CCDC190: variants seen among roughly 807,000 people sequenced by gnomAD.
CCDC190 encodes coiled-coil domain containing 190.
CCDC190 carries 10 observed loss-of-function variants against 13.1 expected under a neutral mutation model. The observed-to-expected ratio is 0.77, with a 90% CI of 0.47 to 1.30. The LOEUF (loss-of-function observed/expected upper bound fraction) is 1.30. Ranked by LOEUF, CCDC190 falls within the 50% of genes most tolerant of loss-of-function variation. CCDC190 has a pLI of 0.00. For synonymous variants in CCDC190, 136 were observed against 127.2 expected, an observed-to-expected ratio of 1.07 and a Z score of -0.47; for missense variants, 375 against 354.3, an observed-to-expected ratio of 1.06 and a Z score of -0.47.
At chr1:162,863,181 C>T (rs2684868), upstream of CCDC190, among the ~76,000 whole-genome samples, 913 of 152,116 alleles carry the variant, frequency 6.0e-3, 9 homozygotes, top group African/African-American at 0.021. Context: ...AATGCACATC[C>T]GTGTAGTTTT....
intron 2 of CCDC190, among the ~76,000 whole-genome samples, chr1:162,858,210 T>C (rs951355125): frequency 6.6e-6 from 1 of 152,190 alleles, no homozygotes; most frequent in Non-Finnish European, 1.5e-5. Flanking sequence ...AGCACCTGAA[T>C]CAAAGTTTTC....
In CCDC190 at chr1:162,851,278, T is replaced by G. The variant is rs956284814; in HGVS notation, c.*3487A>C. ...GTTCACGCAATGGTCCACACACCTC[T>G]GGTTCCTCTCCATTTTTTTTTTTTT... On this transcript the variant is annotated 3_prime_UTR_variant, in exon 4 of 4. Transcript: ENST00000367912. The G allele has an allele frequency of 6.7e-6, 1 of 150,196 alleles. No homozygotes were observed. Among genetic ancestry groups the G allele is most frequent in the South Asian group, 2.1e-4 (1 of 4,710 alleles). 9.3% of individuals were successfully genotyped at this position (150,196 alleles called of 1,614,324 possible). A position where few individuals can be genotyped will look rare whatever the true frequency, so the allele number is the denominator to read the frequency against.
At chr1:162,859,334 C>A in intron 2 of CCDC190, 126 bp downstream of exon 2, 1 of 827,300 alleles carries the variant, frequency 1.2e-6, no homozygotes, top group Non-Finnish European at 1.9e-6. Context: ...GCCTAAAGTC[C>A]TGGCTGTGAT....
rs1379106752 is a variant in CCDC190 at position 162,851,105 on chromosome 1, G to A, written c.*3660C>T. The stretch of plus-strand genomic sequence containing the variant: ...GTTTATGGTTCTCATCCAGTTTAAA[G>A]TCTTTCTTCTCCACCCGTGGAACTT... On this transcript the variant is annotated 3_prime_UTR_variant, in exon 4 of 4. Coordinates refer to ENST00000367912, the MANE Select transcript of CCDC190 (RefSeq NM_001394065.1). 6.6e-6 allele frequency among the ~76,000 whole-genome samples: 1 copy of A among 152,078 alleles called. No individual in the cohort carries two copies. The highest frequency in any genetic ancestry group is 1.5e-5 in the Non-Finnish European group (1 of 68,004).
rs1364720714 is a variant in CCDC190, at chr1:162,861,043, T to C, written c.-48A>G. 4 of 984,252 alleles carry C rather than the reference T, an allele frequency of 4.1e-6. No individual in the cohort carries two copies. The highest frequency in any genetic ancestry group is 4.8e-6 in the Non-Finnish European group (4 of 828,860). The allele number at this position is 984,252 out of a possible 1,614,324, so 61.0% of individuals were successfully genotyped here. A position where few individuals can be genotyped will look rare whatever the true frequency, so the allele number is the denominator to read the frequency against. On this transcript the variant is annotated 5_prime_UTR_variant, in exon 1 of 4. Transcript: ENST00000367912. ...AGAGTTTTCACCATGAGACTATGTC[T>C]TGTTTCTTTTGCTATGTCAGACTGA...
In CCDC190 at chr1:162,855,700, T is replaced by C. The variant is rs139941480; in HGVS notation, c.243A>G (p.Pro81=). ...SYLGNGFQKR[P]EDVLVFSPQG... is the part of the protein sequence containing the mutation. The stretch of plus-strand genomic sequence containing the variant: ...GTGGTGAGAACACGAGAACATCTTC[T>C]GGTCTCTTCTGAAATCCATTCCCCA... The change falls in exon 3 of 4, where the codon CCA becomes CCG. Residue 81 remains proline (P), a synonymous_variant. Transcript: ENST00000367912. The C allele has an allele frequency of 6.8e-4, 1,099 of 1,613,680 alleles. 9 individuals carry two copies. In the African/African-American group the frequency reaches 0.012, roughly 18 times the overall value.
chr1:162,863,292 C>CCCTT, upstream of CCDC190, among the ~76,000 whole-genome samples: 1 of 152,248 alleles, frequency 6.6e-6, no homozygotes, highest in South Asian at 2.1e-4. Flanking sequence ...ACTGTCCTAT[C>CCCTT]CCTTGGTTTC....
upstream of CCDC190, among the ~76,000 whole-genome samples, chr1:162,861,940 CAAAT>C (rs1650536429): frequency 6.6e-6 from 1 of 151,952 alleles, no homozygotes; most frequent in Admixed American, 6.6e-5. Context: ...CACTGCCCAG[CAAAT>C]AAATAATTAT....
At chr1:162,858,462 T>C (rs930071598) in intron 2 of CCDC190, among the ~76,000 whole-genome samples, 4 of 152,228 alleles carry the variant, frequency 2.6e-5, no homozygotes, top group African/African-American at 9.6e-5. Flanking sequence ...GGACTTCAGT[T>C]AGTTACTCAG....
chr1:162,860,715 G>C (rs1332672819), intron 1 of CCDC190, among the ~76,000 whole-genome samples: 1 of 151,944 alleles, frequency 6.6e-6, no homozygotes. Context: ...GCACCACCAC[G>C]CCTGGCTAAC....
chr1:162,858,361 C>T (rs569172267), intron 2 of CCDC190, among the ~76,000 whole-genome samples: 2 of 152,296 alleles, frequency 1.3e-5, no homozygotes, highest in South Asian at 2.1e-4. Flanking sequence ...TGGGAATCAA[C>T]TAAATGGCTT....
chr1:162,855,478 T>G, intron 3 of CCDC190, 119 bp from the exon 4 acceptor site: 1 of 1,455,348 alleles, frequency 6.9e-7, no homozygotes, highest in Non-Finnish European at 9.2e-7. Flanking sequence ...TAGGTGGGAA[T>G]GGGGTGGAGG....
intron 1 of CCDC190, among the ~76,000 whole-genome samples, chr1:162,868,010 C>T (rs985235656): frequency 1.7e-4 from 26 of 152,106 alleles, no homozygotes; most frequent in Admixed American, 1.4e-3. Flanking sequence ...ATATATTTGT[C>T]GAAGCCAACA....
intron 2 of CCDC190, among the ~76,000 whole-genome samples, chr1:162,857,085 T>C (rs1650328691): frequency 6.6e-6 from 1 of 152,228 alleles, no homozygotes; most frequent in Admixed American, 6.5e-5. Flanking sequence ...TTTGAGCGCC[T>C]ACTTTGTGCC....
upstream of CCDC190, among the ~76,000 whole-genome samples, chr1:162,863,051 G>GA (rs1036687512): frequency 4.6e-5 from 7 of 152,204 alleles, no homozygotes; most frequent in Admixed American, 4.6e-4. Flanking sequence ...GATAGTGATT[G>GA]AAAGTATAAA....
In CCDC190 at chr1:162,854,376, T is replaced by C. The variant is rs949369779; in HGVS notation, c.*389A>G. The C allele has an allele frequency of 2.9e-6, 3 of 1,018,494 alleles. No homozygotes were observed. The highest frequency in any genetic ancestry group is 9.0e-5 in the East Asian group (1 of 11,070). The allele number at this position is 1,018,494 out of a possible 1,614,324, so 63.1% of individuals were successfully genotyped here. A position where few individuals can be genotyped will look rare whatever the true frequency, so the allele number is the denominator to read the frequency against. On this transcript the variant is annotated 3_prime_UTR_variant, in exon 4 of 4. Coordinates refer to ENST00000367912, the MANE Select transcript of CCDC190 (RefSeq NM_001394065.1). ...CACATTCCTATTCCTACCACTACTA[T>C]ATATCAAACTAAAACAGAGAGAATA...
At position 162,853,190 on chromosome 1, in the gene CCDC190, T is replaced by A; in HGVS notation, c.*1575A>T. 6.5e-7 allele frequency: 1 copy of A among 1,528,140 alleles called. No individual in the cohort carries two copies. Among genetic ancestry groups the A allele is most frequent in the Non-Finnish European group, 8.8e-7 (1 of 1,133,730 alleles). The allele number at this position is 1,528,140 out of a possible 1,614,324, so 94.7% of individuals were successfully genotyped here. ...ATGAAACTGACTCTCAAATGTTTGATCTAAGTTTTTGTCTTCAGATAGGTG... is the reference window on the plus strand; with the variant it reads ...ATGAAACTGACTCTCAAATGTTTGAACTAAGTTTTTGTCTTCAGATAGGTG... On this transcript the variant is annotated 3_prime_UTR_variant, in exon 4 of 4. Transcript: ENST00000367912.
intron 2 of CCDC190, among the ~76,000 whole-genome samples, chr1:162,857,450 T>G (rs11585029): frequency 0.084 from 12,843 of 152,196 alleles, 1,048 homozygotes; most frequent in African/African-American, 0.2. Flanking sequence ...ATTGGCTATT[T>G]TGTGTTGTCT....
At chr1:162,857,159 G>A (rs939877001) in intron 2 of CCDC190, among the ~76,000 whole-genome samples, 4 of 152,148 alleles carry the variant, frequency 2.6e-5, no homozygotes, top group Admixed American at 6.5e-5. Flanking sequence ...TTAAAGCTCC[G>A]ACAATTCTAC....
Sources: gnomAD v4.1 joint callset for allele counts (sites outside exome capture counted in the v4.1 genomes callset) on GRCh38, gnomAD v4.1.1 for gene constraint, MANE v1.5 for transcripts, NCBI Gene and HGNC (gene_info 2026-07-23, HGNC 2026-07-21) for gene names.